Variants in MCM9 observed in about 807,000 individuals in gnomAD.
The protein encoded by MCM9 is minichromosome maintenance 9 homologous recombination repair factor, also known as DNA helicase MCM9.
A neutral mutation model predicts 72.8 loss-of-function variants in MCM9; 55 were observed. That is an observed-to-expected ratio of 0.76 (90% CI 0.61 to 0.95). The LOEUF (loss-of-function observed/expected upper bound fraction) is 0.95. MCM9 is among the 40% of genes least tolerant of loss of function. The pLI is 0.00. For synonymous variants in MCM9, 480 were observed against 503.4 expected (o/e 0.95, Z 0.62); for missense variants, 1,279 against 1,377.0 (o/e 0.93, Z 1.13).
At chr6:118,922,184 G>T in intron 4 of MCM9, 98 bp from the exon 5 acceptor site, 1 of 854,754 alleles carries the variant, frequency 1.2e-6, no homozygotes, top group Non-Finnish European at 1.8e-6. Context: ...TATTTCTCTG[G>T]TATATCATAC....
In MCM9 at chr6:118,851,019, C is replaced by T. The variant is rs561358941; in HGVS notation, c.1325+5352G>A. ...TTTTTGTATCGAGATGGGGGTCTTGCCATCTTGCTCAGTCTGGTCTTGAAC... is the reference window on the plus strand; with the variant it reads ...TTTTTGTATCGAGATGGGGGTCTTGTCATCTTGCTCAGTCTGGTCTTGAAC... On this transcript the variant is annotated intron_variant, in intron 9 of 13. Coordinates refer to ENST00000619706, the MANE Select transcript of MCM9 (RefSeq NM_017696.3). Among the ~76,000 whole-genome samples, 18 of 151,566 alleles carry T rather than the reference C, an allele frequency of 1.2e-4. No homozygotes were observed. The South Asian group carries it at 1.2e-3, about 10-fold the overall frequency.
chr6:118,911,789 T>G lies in MCM9; in HGVS notation c.1031-20A>C. Reference sequence around the variant, plus strand: ...ATTCTCCTAGGAAAAAGCAAATACATGAAGTTTTAAATTTCTATAAAAGGG... The same window carrying G: ...ATTCTCCTAGGAAAAAGCAAATACAGGAAGTTTTAAATTTCTATAAAAGGG... On this transcript the variant is annotated intron_variant, in intron 7 of 13. Transcript: ENST00000619706. 1.3e-6 allele frequency: 2 copies of G among 1,587,350 alleles called. No homozygotes were observed. The highest frequency in any genetic ancestry group is 1.3e-5 in the African/African-American group (1 of 74,268).
intron 8 of MCM9, among the ~76,000 whole-genome samples, chr6:118,901,412 G>A (rs1385921186): frequency 6.6e-6 from 1 of 152,080 alleles, no homozygotes; most frequent in Non-Finnish European, 1.5e-5. Flanking sequence ...TTGGGTCATT[G>A]GAATGACATT....
At chr6:118,871,711 T>C (rs1583491610) in intron 8 of MCM9, among the ~76,000 whole-genome samples, 1 of 143,758 alleles carries the variant, frequency 7.0e-6, no homozygotes, top group Non-Finnish European at 1.5e-5. Flanking sequence ...GGTCAGGAGA[T>C]AGACACCATT....
rs533386674 is a variant in MCM9 at position 118,917,673 on chromosome 6, T to C, written c.792A>G (p.Lys264=). Residue 264 remains lysine, a synonymous_variant, in exon 6 of 14, where the codon AAA becomes AAG. Transcript: ENST00000619706. ...DVRCEVEIVL[K]ANYIQVNNEQ... is the part of the protein sequence containing the mutation. ...CATTATTTACTTGGATGTAATTTGC[T>C]TTCAGGACTATCTCCACTTCACAGC... is the stretch of plus-strand genomic sequence containing the variant. 4.3e-6 allele frequency: 7 copies of C among 1,614,186 alleles called. No individual in the cohort carries two copies. In the East Asian group the frequency reaches 8.9e-5, roughly 21 times the overall value.
intron 10 of MCM9, among the ~76,000 whole-genome samples, chr6:118,828,574 G>A (rs1284357236): frequency 6.6e-6 from 1 of 151,918 alleles, no homozygotes; most frequent in African/African-American, 2.4e-5. Flanking sequence ...TAGTAGCGAT[G>A]GGGTTTCATC....
chr6:118,859,338 G>A (rs1776764194), intron 8 of MCM9, among the ~76,000 whole-genome samples: 1 of 152,162 alleles, frequency 6.6e-6, no homozygotes, highest in South Asian at 2.1e-4. Context: ...GAAAATAGCT[G>A]TGAATTCTTT....
At chr6:118,902,499 G>A (rs941202794) in intron 8 of MCM9, among the ~76,000 whole-genome samples, 5 of 147,226 alleles carry the variant, frequency 3.4e-5, no homozygotes, top group African/African-American at 1.2e-4. Flanking sequence ...TACAGTAAAA[G>A]AAACCTGGGT....
At chr6:118,839,639 C>T (rs1775215507) in intron 9 of MCM9, among the ~76,000 whole-genome samples, 1 of 152,136 alleles carries the variant, frequency 6.6e-6, no homozygotes, top group South Asian at 2.1e-4. Flanking sequence ...GATGTTGATG[C>T]TATTCCTTTC....
intron 8 of MCM9, among the ~76,000 whole-genome samples, chr6:118,861,805 T>C (rs569049783): frequency 6.6e-6 from 1 of 152,336 alleles, no homozygotes; most frequent in East Asian, 1.9e-4. Flanking sequence ...ACCGGCAGCC[T>C]AGCCCTCAGG....
intron 8 of MCM9, among the ~76,000 whole-genome samples, chr6:118,892,490 CCTCTT>C (rs1467309226): frequency 2.0e-5 from 3 of 152,160 alleles, no homozygotes; most frequent in South Asian, 4.1e-4. Flanking sequence ...ACTAGACTCT[CCTCTT>C]AAGAGTACCT....
At chr6:118,930,863 G>A (rs6918844) in intron 3 of MCM9, among the ~76,000 whole-genome samples, 88,251 of 151,966 alleles carry the variant, frequency 0.58, 26,166 homozygotes, top group East Asian at 0.69. Flanking sequence ...GAGGGGCAAG[G>A]ACTCCTAGAG....
At chr6:118,828,874 G>C (rs964265354) in intron 10 of MCM9, among the ~76,000 whole-genome samples, 174 bp downstream of exon 10, 3 of 152,060 alleles carry the variant, frequency 2.0e-5, no homozygotes, top group African/African-American at 7.2e-5. Context: ...CTTCAACTCA[G>C]TATTCTGAGG....
chr6:118,859,662 G>A (rs762057475), intron 8 of MCM9, among the ~76,000 whole-genome samples: 6 of 152,198 alleles, frequency 3.9e-5, no homozygotes, highest in Non-Finnish European at 8.8e-5. Flanking sequence ...TAGATTTTCT[G>A]CGAGTTTTAC....
intron 9 of MCM9, among the ~76,000 whole-genome samples, chr6:118,840,882 C>T (rs1344149360): frequency 6.6e-6 from 1 of 151,986 alleles, no homozygotes; most frequent in Non-Finnish European, 1.5e-5. Flanking sequence ...AGACTACAGG[C>T]ATGAGCTACC....
intron 8 of MCM9, chr6:118,894,158 C>T: frequency 7.9e-7 from 1 of 1,259,346 alleles, no homozygotes; most frequent in Non-Finnish European, 1.0e-6. Flanking sequence ...GGTCAGAACT[C>T]GGGTGCAGCC....
intron 8 of MCM9, among the ~76,000 whole-genome samples, chr6:118,876,289 G>C (rs1777926874): frequency 6.6e-6 from 1 of 152,142 alleles, no homozygotes; most frequent in Non-Finnish European, 1.5e-5. Flanking sequence ...AAACTATTTT[G>C]TACAATACCA....
At chr6:118,905,936 A>G in intron 8 of MCM9, 1 of 813,500 alleles carries the variant, frequency 1.2e-6, no homozygotes, top group Non-Finnish European at 1.8e-6. Flanking sequence ...GATAAAATAA[A>G]TATGAGGTCC....
At chr6:118,894,123 G>A (rs1348528349) in intron 8 of MCM9, 5 of 1,188,180 alleles carry the variant, frequency 4.2e-6, no homozygotes, top group East Asian at 9.1e-5. Context: ...CTTGCTGGCT[G>A]CCGAGGCCCT....
Sources: allele counts gnomAD v4.1 joint callset (sites outside exome capture counted in the v4.1 genomes callset), GRCh38; gene constraint gnomAD v4.1.1; transcripts MANE v1.5; gene names NCBI Gene and HGNC (gene_info 2026-07-23, HGNC 2026-07-21).